Variants in PLXNA4 observed in about 807,000 individuals in gnomAD.
PLXNA4 encodes the protein plexin-A4.
A neutral mutation model predicts 191.8 loss-of-function variants in PLXNA4; 44 were observed. That is an observed-to-expected ratio of 0.23 (90% CI 0.18 to 0.29). PLXNA4 has a LOEUF of 0.29. PLXNA4 is among the 10% of genes least tolerant of loss of function. The pLI is 1.00. For missense variants in PLXNA4, 1,800 were observed against 2,488.8 expected (o/e 0.72, Z 5.89); for synonymous variants, 1,082 against 1,009.5 (o/e 1.07, Z -1.36).
chr7:132,408,577 C>A (rs1026146802), intron 3 of PLXNA4, among the ~76,000 whole-genome samples: 1 of 152,018 alleles, frequency 6.6e-6, no homozygotes, highest in Non-Finnish European at 1.5e-5. Flanking sequence ...GATTCTTCTG[C>A]CTCAGCCTCA....
chr7:132,208,481 C>G (rs1797697040), intron 10 of PLXNA4, among the ~76,000 whole-genome samples: 1 of 152,146 alleles, frequency 6.6e-6, no homozygotes, highest in South Asian at 2.1e-4. Flanking sequence ...GCTCTGAACT[C>G]CAGAGGGCCA....
At position 132,226,220 on chromosome 7, in the gene PLXNA4, C is replaced by A; in HGVS notation, c.1923G>T (p.Glu641Asp). 1 of 1,613,896 alleles carries A rather than the reference C, an allele frequency of 6.2e-7. No homozygotes were observed. The highest frequency in any genetic ancestry group is 1.1e-5 in the South Asian group (1 of 91,070). ...HVVQLQLKSK[E>D]TGMTFASTSF... ...TGGTGCTGGCGAAGGTCATGCCGGT[C>A]TCCTTTGATTTGAGCTGAAGCTGTA... Residue 641 changes from glutamate to aspartate, a missense_variant, in exon 8 of 32, where the codon GAG (glutamate) becomes GAT (aspartate). Physicochemically the swap from Glu to Asp is conservative, Grantham distance 45. Around this residue, in one of 6 missense-constraint regions of PLXNA4, gnomAD observed 1,397 missense variants for 1,880.4 expected, o/e 0.74. Coordinates refer to ENST00000321063, the MANE Select transcript of PLXNA4 (RefSeq NM_020911.2).
chr7:132,412,246 T>G (rs1000059), intron 3 of PLXNA4, among the ~76,000 whole-genome samples: 38,405 of 152,160 alleles, frequency 0.25, 9,114 homozygotes, highest in African/African-American at 0.61. Flanking sequence ...TTTGTTTGGT[T>G]TTTGGCATAT....
intron 15 of PLXNA4, 120 bp downstream of exon 15, chr7:132,187,351 G>T: frequency 6.8e-7 from 1 of 1,466,278 alleles, no homozygotes; most frequent in South Asian, 1.4e-5. Context: ...CTGGCAAGAA[G>T]AACCTGTCAG....
intron 3 of PLXNA4, among the ~76,000 whole-genome samples, chr7:132,451,977 A>G (rs1796141100): frequency 6.6e-6 from 1 of 152,230 alleles, no homozygotes; most frequent in African/African-American, 2.4e-5. Context: ...AGTATCAGAC[A>G]CCAAAATATT....
At position 132,505,202 on chromosome 7, in the gene PLXNA4, G is replaced by A. The variant is rs190166210; in HGVS notation, c.1188+2304C>T. Among the ~76,000 whole-genome samples the A allele has an allele frequency of 2.4e-3, 363 of 152,322 alleles. 1 individual carries two copies. Among genetic ancestry groups the A allele is most frequent in the South Asian group, 5.4e-3 (26 of 4,826 alleles). ...ATCTTGCTCCATTACTCCCCGTCCC[G>A]GCATTAGCCTGTCTTGCAAAGCTGT... On this transcript the variant is annotated intron_variant, in intron 2 of 31. Transcript: ENST00000321063.
chr7:132,352,935 C>T (rs1267800422), intron 3 of PLXNA4, among the ~76,000 whole-genome samples: 1 of 152,046 alleles, frequency 6.6e-6, no homozygotes, highest in African/African-American at 2.4e-5. Flanking sequence ...TATCTTGGTA[C>T]AGAGACAAGT....
intron 3 of PLXNA4, among the ~76,000 whole-genome samples, chr7:132,455,080 G>A (rs1458116246): frequency 2.6e-5 from 4 of 152,216 alleles, no homozygotes; most frequent in Non-Finnish European, 2.9e-5. Context: ...GTTGGGAGAC[G>A]TCTGGGAAAC....
chr7:132,568,005 G>C (rs531447565), intron 1 of PLXNA4, among the ~76,000 whole-genome samples: 1 of 152,118 alleles, frequency 6.6e-6, no homozygotes, highest in East Asian at 1.9e-4. Context: ...CAAGAGAGCA[G>C]GGAAAGAGGT....
intron 3 of PLXNA4, among the ~76,000 whole-genome samples, chr7:132,316,963 G>C (rs554551743): frequency 6.6e-6 from 1 of 152,186 alleles, no homozygotes; most frequent in African/African-American, 2.4e-5. Flanking sequence ...CATTGGGTTA[G>C]GTTGGGCTGT....
chr7:132,259,238 T>C (rs1438900559), intron 4 of PLXNA4, among the ~76,000 whole-genome samples: 2 of 151,458 alleles, frequency 1.3e-5, no homozygotes, highest in Admixed American at 6.6e-5. Context: ...TATTTCTCAG[T>C]ACAGCTGGGA....
intron 9 of PLXNA4, among the ~76,000 whole-genome samples, chr7:132,218,383 C>T (rs1798037238): frequency 1.3e-5 from 2 of 152,198 alleles, no homozygotes; most frequent in African/African-American, 4.8e-5. Context: ...TTCCTGAGAG[C>T]CTCCTTGGTG....
chr7:132,633,311 T>C (rs889192802), intron 2 of PLXNA4, among the ~76,000 whole-genome samples: 6 of 145,368 alleles, frequency 4.1e-5, no homozygotes, highest in Non-Finnish European at 7.5e-5. Flanking sequence ...TAAGACGGAG[T>C]CTCACTCTAT....
chr7:132,545,671 G>A (rs1800267699), intron 1 of PLXNA4, among the ~76,000 whole-genome samples: 1 of 152,068 alleles, frequency 6.6e-6, no homozygotes, highest in Admixed American at 6.6e-5. Flanking sequence ...AACAGTGAGT[G>A]GATGACTTTC....
intron 13 of PLXNA4, 114 bp downstream of exon 13, chr7:132,198,371 T>C: frequency 7.0e-7 from 1 of 1,433,132 alleles, no homozygotes; most frequent in Non-Finnish European, 9.3e-7. Context: ...GGGGTGGTTC[T>C]CCTTTTTCCC....
intron 2 of PLXNA4, among the ~76,000 whole-genome samples, chr7:132,624,628 A>G (rs898739465): frequency 2.0e-5 from 3 of 152,216 alleles, no homozygotes; most frequent in Non-Finnish European, 4.4e-5. Flanking sequence ...AAAGGGAAGC[A>G]TGAGCTTGAA....
chr7:132,586,587 C>G (rs986172918), intron 2 of PLXNA4, among the ~76,000 whole-genome samples: 1 of 152,102 alleles, frequency 6.6e-6, no homozygotes, highest in Non-Finnish European at 1.5e-5. Context: ...CCCTTCTGTA[C>G]TAAAAATACA....
chr7:132,524,788 C>T (rs191648725), intron 1 of PLXNA4, among the ~76,000 whole-genome samples: 23 of 152,188 alleles, frequency 1.5e-4, no homozygotes, highest in African/African-American at 5.1e-4. Context: ...AGGATGGTAT[C>T]GATCTCCTGA....
intron 1 of PLXNA4, among the ~76,000 whole-genome samples, chr7:132,543,893 C>T (rs148597118): frequency 2.0e-3 from 299 of 152,270 alleles, no homozygotes; most frequent in African/African-American, 6.8e-3. Context: ...AGAAGGCAAA[C>T]TATCTGAGCT....
Sources: allele counts gnomAD v4.1 joint callset (sites outside exome capture counted in the v4.1 genomes callset), GRCh38; gene constraint gnomAD v4.1.1; regional missense constraint gnomAD v4.1.1; transcripts MANE v1.5; gene names NCBI Gene and HGNC (gene_info 2026-07-23, HGNC 2026-07-21).